Variants in CAB39L observed in about 807,000 individuals in gnomAD.
The protein encoded by CAB39L is calcium-binding protein 39-like.
Under a neutral mutation model 39.1 loss-of-function variants are expected in CAB39L, and 23 were observed. The ratio of observed to expected loss-of-function variants is 0.59; its 90% CI spans 0.42 to 0.83. The LOEUF is 0.83. CAB39L is among the 40% of genes least tolerant of loss of function. The pLI is 0.00. For synonymous variants in CAB39L, 126 were observed against 137.2 expected (o/e 0.92, Z 0.57); for missense variants, 366 against 391.9 (o/e 0.93, Z 0.56).
chr13:49,315,896 AAAAGAAAAG>A (rs1251395833), intron 10 of CAB39L, among the ~76,000 whole-genome samples: 4 of 151,024 alleles, frequency 2.6e-5, no homozygotes, highest in East Asian at 1.9e-4. Context: ...AAAAAAAAAA[AAAAGAAAAG>A]AAAAGAAAAG....
rs59783079 is a variant in CAB39L, at chr13:49,441,221, G to GTATATATATATA, written c.-246+2753_-246+2764dup. ...GATGATTTTCTTATAATGATTTAGTGTATATATATATATATATATATATTC... is the reference window on the plus strand; with the variant it reads ...GATGATTTTCTTATAATGATTTAGTGTATATATATATATATATATATATATATATATATATTC... On this transcript the variant is annotated intron_variant, in intron 1 of 10. Coordinates refer to ENST00000409308, the MANE Select transcript of CAB39L (RefSeq NM_001079670.3). Among the ~76,000 whole-genome samples, 410 of 121,400 alleles carry GTATATATATATA rather than the reference G, an allele frequency of 3.4e-3. 3 individuals carry two copies. The highest frequency in any genetic ancestry group is 0.012 in the African/African-American group (337 of 27,236). The allele number at this position is 121,400 out of a possible 152,430, so 79.6% of individuals were successfully genotyped here.
At position 49,310,771 on chromosome 13, in the gene CAB39L, G is replaced by A. The variant is rs761444997; in HGVS notation, c.*43C>T. The A allele has an allele frequency of 1.2e-5, 19 of 1,596,228 alleles. No homozygotes were observed. The highest frequency in any genetic ancestry group is 2.7e-5 in the African/African-American group (2 of 74,232). The stretch of plus-strand genomic sequence containing the variant: ...TCTGAAATGACACACTGTACAAACT[G>A]GACAAATGAGACGACTGACTGTGAC... On this transcript the variant is annotated 3_prime_UTR_variant, in exon 11 of 11. Coordinates refer to ENST00000409308, the MANE Select transcript of CAB39L (RefSeq NM_001079670.3).
At chr13:49,350,951 T>G in intron 6 of CAB39L, 39 bp from the exon 7 acceptor site, 1 of 1,453,624 alleles carries the variant, frequency 6.9e-7, no homozygotes, top group African/African-American at 1.4e-5. Context: ...AACTCTGTTA[T>G]CCTATTAAAA....
chr13:49,428,722 G>A (rs969373832), intron 3 of CAB39L, among the ~76,000 whole-genome samples: 1 of 152,104 alleles, frequency 6.6e-6, no homozygotes, highest in Non-Finnish European at 1.5e-5. Flanking sequence ...GGCCTGAAGA[G>A]AATAAAACAG....
At chr13:49,331,916 C>T (rs1334959949) in intron 10 of CAB39L, 31 bp downstream of exon 10, 2 of 1,608,818 alleles carry the variant, frequency 1.2e-6, no homozygotes, top group African/African-American at 2.7e-5. Context: ...AAATTGCCTA[C>T]AACATTGTTT....
chr13:49,424,570 T>C (rs530278861), intron 3 of CAB39L, among the ~76,000 whole-genome samples: 1 of 152,330 alleles, frequency 6.6e-6, no homozygotes, highest in Admixed American at 6.5e-5. Context: ...AATGATAATG[T>C]AAAAATGTAT....
Position 49,350,866 on chromosome 13 carries a change from C to T in CAB39L, c.442G>A (p.Glu148Lys). The change falls in exon 7 of 11, where the codon GAA becomes AAA. Residue 148 changes from glutamate to lysine, a missense_variant. Physicochemically the swap from Glu to Lys is moderately conservative, Grantham distance 56. Transcript: ENST00000409308. ...GCAAGTGGTTCATGTCGAATACATT[C>T]TCTCAGCATAATCCCACAACGTAAG... is the stretch of plus-strand genomic sequence containing the variant. ...IALRCGIMLR[E>K]CIRHEPLAKI... is the part of the protein sequence containing the mutation. 6.2e-7 allele frequency: 1 copy of T among 1,611,354 alleles called. No homozygotes were observed.
At chr13:49,318,404 C>A in intron 10 of CAB39L, among the ~76,000 whole-genome samples, 1 of 145,664 alleles carries the variant, frequency 6.9e-6, no homozygotes, top group Non-Finnish European at 1.5e-5. Flanking sequence ...GAAGTTGAGG[C>A]TGCAGTGAGC....
At chr13:49,436,553 CTTTTTTTTTT>C (rs57141770) in intron 1 of CAB39L, among the ~76,000 whole-genome samples, 1 of 73,428 alleles carries the variant, frequency 1.4e-5, no homozygotes, top group African/African-American at 6.0e-5. Flanking sequence ...TTCTTTATGA[CTTTTTTTTTT>C]TTTTTTTTTT....
At chr13:49,373,197 T>C (rs1281683351) in intron 5 of CAB39L, among the ~76,000 whole-genome samples, 1 of 152,210 alleles carries the variant, frequency 6.6e-6, no homozygotes, top group Non-Finnish European at 1.5e-5. Flanking sequence ...TTCTATTTCC[T>C]ACTCCTATCA....
intron 3 of CAB39L, among the ~76,000 whole-genome samples, chr13:49,416,631 C>T (rs1010161678): frequency 6.6e-6 from 1 of 152,148 alleles, no homozygotes; most frequent in Non-Finnish European, 1.5e-5. Context: ...CCTGACTTCA[C>T]GTACTGCCTC....
intron 7 of CAB39L, among the ~76,000 whole-genome samples, chr13:49,348,032 C>T (rs1397663379): frequency 6.6e-6 from 1 of 152,148 alleles, no homozygotes; most frequent in African/African-American, 2.4e-5. Context: ...GTGGGCTCCT[C>T]CTCTCTTCCC....
intron 9 of CAB39L, among the ~76,000 whole-genome samples, chr13:49,333,697 G>A (rs1350617803): frequency 6.7e-6 from 1 of 149,602 alleles, no homozygotes; most frequent in African/African-American, 2.5e-5. Context: ...TCAGCCTCCC[G>A]AGTAGCTGAG....
At chr13:49,366,410 C>T (rs1484139211) in intron 5 of CAB39L, among the ~76,000 whole-genome samples, 1 of 151,010 alleles carries the variant, frequency 6.6e-6, no homozygotes. Flanking sequence ...CATGCTCTCA[C>T]GAGGTCAGGA....
At chr13:49,355,178 C>T (rs974609737) in intron 6 of CAB39L, among the ~76,000 whole-genome samples, 7 of 151,276 alleles carry the variant, frequency 4.6e-5, no homozygotes, top group Admixed American at 3.3e-4. Flanking sequence ...GAGTTTGAAA[C>T]CAGCCTGGGC....
chr13:49,331,521 A>T (rs1258517981), intron 10 of CAB39L, among the ~76,000 whole-genome samples: 4 of 152,124 alleles, frequency 2.6e-5, no homozygotes, highest in Non-Finnish European at 5.9e-5. Context: ...TTACTTTTCT[A>T]TCATAACAAA....
chr13:49,350,226 AT>A (rs1487518501), intron 7 of CAB39L, among the ~76,000 whole-genome samples: 6 of 152,220 alleles, frequency 3.9e-5, no homozygotes, highest in African/African-American at 1.4e-4. Context: ...CGACAATATA[AT>A]TTCTTACTAT....
chr13:49,331,913 C>A, intron 10 of CAB39L, 34 bp downstream of exon 10: 1 of 1,607,266 alleles, frequency 6.2e-7, no homozygotes, highest in Non-Finnish European at 8.5e-7. Context: ...AAAAAATTGC[C>A]TACAACATTG....
chr13:49,384,303 T>A (rs1956309708), intron 3 of CAB39L, among the ~76,000 whole-genome samples: 1 of 152,230 alleles, frequency 6.6e-6, no homozygotes, highest in Non-Finnish European at 1.5e-5. Context: ...AGCAATTCAG[T>A]CACATCTTCA....
Sources: gnomAD v4.1 joint callset for allele counts (sites outside exome capture counted in the v4.1 genomes callset) on GRCh38, gnomAD v4.1.1 for gene constraint, MANE v1.5 for transcripts, NCBI Gene and HGNC (gene_info 2026-07-23, HGNC 2026-07-21) for gene names.